The following ZNF804B variants were observed in gnomAD, a reference collection of about 807,000 sequenced individuals.
ZNF804B encodes zinc finger protein 804B.
A neutral mutation model predicts 101.4 loss-of-function variants in ZNF804B; 80 were observed. The ratio of observed to expected loss-of-function variants is 0.79; its 90% CI spans 0.66 to 0.95. The LOEUF (loss-of-function observed/expected upper bound fraction) is 0.95. Ranked by LOEUF, ZNF804B falls within the 40% of genes least tolerant of loss-of-function variation. ZNF804B has a pLI of 0.00. For missense variants in ZNF804B, 1,673 were observed against 1,561.9 expected, an observed-to-expected ratio of 1.07 and a Z score of -1.20; for synonymous variants, 622 against 558.8, an observed-to-expected ratio of 1.11 and a Z score of -1.59.
chr7:88,926,799 T>C (rs17165487), intron 1 of ZNF804B, among the ~76,000 whole-genome samples: 2 of 152,208 alleles, frequency 1.3e-5, no homozygotes, highest in Admixed American at 1.3e-4. Context: ...TTTTCCTAAG[T>C]CCAGCTTCCG....
At chr7:88,831,239 A>T (rs999919218) in intron 1 of ZNF804B, among the ~76,000 whole-genome samples, 2 of 151,860 alleles carry the variant, frequency 1.3e-5, no homozygotes, top group African/African-American at 2.4e-5. Flanking sequence ...AAATTTTCCA[A>T]CTTTAGGTAA....
chr7:89,063,867 T>C (rs1338565670), intron 1 of ZNF804B, among the ~76,000 whole-genome samples: 1 of 152,144 alleles, frequency 6.6e-6, no homozygotes, highest in Non-Finnish European at 1.5e-5. Context: ...TCCTCGGTGT[T>C]GGTTACAGCC....
intron 1 of ZNF804B, among the ~76,000 whole-genome samples, chr7:89,171,317 T>C (rs560341294): frequency 3.2e-4 from 35 of 108,544 alleles, no homozygotes; most frequent in African/African-American, 7.7e-4. Flanking sequence ...CTTCTTCTTC[T>C]TCTTCTTCTT....
chr7:89,119,092 T>A (rs1352089806), intron 1 of ZNF804B, among the ~76,000 whole-genome samples: 4 of 152,200 alleles, frequency 2.6e-5, no homozygotes, highest in Non-Finnish European at 5.9e-5. Flanking sequence ...AGTAAGGGTA[T>A]AACATTTTGA....
At chr7:88,939,423 G>A (rs1296473190) in intron 1 of ZNF804B, among the ~76,000 whole-genome samples, 1 of 151,842 alleles carries the variant, frequency 6.6e-6, no homozygotes, top group Non-Finnish European at 1.5e-5. Context: ...CCACAAATAT[G>A]GAGGGCCAAC....
At chr7:88,869,789 G>A (rs1691336508) in intron 1 of ZNF804B, among the ~76,000 whole-genome samples, 1 of 152,080 alleles carries the variant, frequency 6.6e-6, no homozygotes, top group Admixed American at 6.5e-5. Flanking sequence ...ACTTCAGAAT[G>A]AAGCAGTGTA....
At chr7:88,773,559 T>G (rs1326545243) in intron 1 of ZNF804B, among the ~76,000 whole-genome samples, 1 of 152,188 alleles carries the variant, frequency 6.6e-6, no homozygotes, top group Admixed American at 6.5e-5. Flanking sequence ...CAAATAATAC[T>G]GGGAAGTAAC....
intron 1 of ZNF804B, among the ~76,000 whole-genome samples, chr7:88,844,312 A>G (rs945559523): frequency 6.6e-6 from 1 of 152,172 alleles, no homozygotes; most frequent in Non-Finnish European, 1.5e-5. Flanking sequence ...AATTTGTTTA[A>G]ACCAAGATCC....
At chr7:88,870,730 C>G (rs1174404796) in intron 1 of ZNF804B, among the ~76,000 whole-genome samples, 1 of 151,948 alleles carries the variant, frequency 6.6e-6, no homozygotes, top group Non-Finnish European at 1.5e-5. Context: ...TTTAAAAATG[C>G]AAGTGCTTGA....
chr7:88,833,714 C>T (rs998416161), intron 1 of ZNF804B, among the ~76,000 whole-genome samples: 12 of 151,812 alleles, frequency 7.9e-5, no homozygotes, highest in Admixed American at 5.3e-4. Context: ...GTGAGAAAGC[C>T]AAGCTTCTCA....
At chr7:88,782,102 CGTGTGTGTGTGTGT>C (rs72225764) in intron 1 of ZNF804B, among the ~76,000 whole-genome samples, 6 of 142,090 alleles carry the variant, frequency 4.2e-5, no homozygotes, top group East Asian at 2.0e-4. Context: ...TGTGTGAGTG[CGTGTGTGTGTGTGT>C]GTGTGTGTGT....
At chr7:88,858,783 T>C (rs1381151157) in intron 1 of ZNF804B, among the ~76,000 whole-genome samples, 1 of 152,190 alleles carries the variant, frequency 6.6e-6, no homozygotes, top group Non-Finnish European at 1.5e-5. Context: ...TCCAGAATAA[T>C]GATTTTGAAA....
At chr7:89,231,584 G>A (rs1789191650) in intron 2 of ZNF804B, among the ~76,000 whole-genome samples, 1 of 151,876 alleles carries the variant, frequency 6.6e-6, no homozygotes, top group African/African-American at 2.4e-5. Flanking sequence ...ATACATATAT[G>A]TCTCTGTTTA....
chr7:89,317,946 A>T (rs182371299), intron 2 of ZNF804B, among the ~76,000 whole-genome samples: 20 of 152,346 alleles, frequency 1.3e-4, no homozygotes, highest in Admixed American at 7.8e-4. Flanking sequence ...TGAAGAGAAG[A>T]GCATCAAAAA....
In ZNF804B at chr7:89,267,586, G is replaced by T. The variant is rs146376995; in HGVS notation, c.249+49291G>T. Among the ~76,000 whole-genome samples, 260 of 152,156 alleles carry T rather than the reference G, an allele frequency of 1.7e-3. 1 individual carries two copies. The highest frequency in any genetic ancestry group is 6.0e-3 in the African/African-American group (249 of 41,504). ...CCTGGAGTGACCATAGATGTCTTCAGACCTTATCCTACAAGCCAGGCATTG... is the reference window on the plus strand; with the variant it reads ...CCTGGAGTGACCATAGATGTCTTCATACCTTATCCTACAAGCCAGGCATTG... On this transcript the variant is annotated intron_variant, in intron 2 of 3. Transcript: ENST00000333190.
intron 1 of ZNF804B, among the ~76,000 whole-genome samples, chr7:88,946,699 C>G (rs796767532): frequency 8.6e-5 from 13 of 151,568 alleles, no homozygotes; most frequent in African/African-American, 2.7e-4. Flanking sequence ...CTTTGTATCT[C>G]TGGTAGAATT....
intron 1 of ZNF804B, among the ~76,000 whole-genome samples, chr7:88,986,205 T>C (rs1793758256): frequency 6.6e-6 from 1 of 152,120 alleles, no homozygotes. Context: ...AATAATTGTT[T>C]TCCAACATGA....
intron 1 of ZNF804B, among the ~76,000 whole-genome samples, chr7:88,893,009 T>A (rs1472085992): frequency 1.3e-5 from 2 of 152,174 alleles, no homozygotes; most frequent in Non-Finnish European, 2.9e-5. Context: ...TTGCAGAGTG[T>A]GTTGCCTTTT....
At chr7:89,255,253 A>G (rs1789609651) in intron 2 of ZNF804B, among the ~76,000 whole-genome samples, 1 of 152,218 alleles carries the variant, frequency 6.6e-6, no homozygotes, top group African/African-American at 2.4e-5. Context: ...TTATGAGAAC[A>G]GCACGGGAGA....
Sources: gnomAD v4.1 joint callset for allele counts (sites outside exome capture counted in the v4.1 genomes callset) on GRCh38, gnomAD v4.1.1 for gene constraint, MANE v1.5 for transcripts, NCBI Gene and HGNC (gene_info 2026-07-23, HGNC 2026-07-21) for gene names.